The following FCAR variants were observed in gnomAD, a reference collection of about 807,000 sequenced individuals.
The protein encoded by FCAR is immunoglobulin alpha Fc receptor.
In FCAR, 21 loss-of-function variants were observed where a neutral mutation model predicts 27.1. The ratio of observed to expected loss-of-function variants is 0.77; its 90% CI spans 0.55 to 1.11. The LOEUF (loss-of-function observed/expected upper bound fraction) is 1.11, where lower values mean the gene tolerates loss of function less well. FCAR is among the 50% of genes most tolerant of loss of function. The pLI is 0.00. For missense variants in FCAR, 404 were observed against 358.4 expected, an observed-to-expected ratio of 1.13 and a Z score of -1.03; for synonymous variants, 134 against 135.8, an observed-to-expected ratio of 0.99 and a Z score of 0.09.
intron 2 of FCAR, among the ~76,000 whole-genome samples, chr19:54,881,921 AAATAAATAAATT>A (rs1203125254): frequency 0.28 from 9,813 of 35,218 alleles, 467 homozygotes; most frequent in African/African-American, 0.36. Flanking sequence ...ATAAATAAAT[AAATAAATAAATT>A]GAAGCATGAA....
chr19:54,884,043 A>C (rs2066565724), intron 2 of FCAR, among the ~76,000 whole-genome samples: 1 of 152,214 alleles, frequency 6.6e-6, no homozygotes, highest in South Asian at 2.1e-4. Context: ...TGGAAGACCC[A>C]GCAAGCCTGG....
At chr19:54,877,009 T>C (rs2066136572) in intron 2 of FCAR, among the ~76,000 whole-genome samples, 1 of 152,246 alleles carries the variant, frequency 6.6e-6, no homozygotes, top group African/African-American at 2.4e-5. Flanking sequence ...GCTAGTATTT[T>C]GTTGAGGATT....
chr19:54,876,686 A>G (rs587600727), intron 2 of FCAR, among the ~76,000 whole-genome samples: 5,157 of 152,024 alleles, frequency 0.034, 100 homozygotes, highest in Middle Eastern at 0.079. Context: ...TTGGGAAGCC[A>G]AGGCTTGTGG....
At chr19:54,883,766 A>G (rs1307380753) in intron 2 of FCAR, among the ~76,000 whole-genome samples, 1 of 152,110 alleles carries the variant, frequency 6.6e-6, no homozygotes, top group African/African-American at 2.4e-5. Context: ...CATCCTGGAT[A>G]ACATGGTGAA....
At chr19:54,886,050 C>T (rs2066703208) in intron 3 of FCAR, among the ~76,000 whole-genome samples, 1 of 152,090 alleles carries the variant, frequency 6.6e-6, no homozygotes, top group African/African-American at 2.4e-5. Context: ...AGTTCGAGAC[C>T]AGCCTGGCCA....
At chr19:54,887,423 C>T (rs2066800005) in intron 3 of FCAR, among the ~76,000 whole-genome samples, 1 of 151,936 alleles carries the variant, frequency 6.6e-6, no homozygotes, top group African/African-American at 2.4e-5. Context: ...GGATTCAAGA[C>T]CAGCCTGACC....
At chr19:54,876,252 G>T (rs1004734397) in intron 2 of FCAR, among the ~76,000 whole-genome samples, 1 of 152,136 alleles carries the variant, frequency 6.6e-6, no homozygotes, top group African/African-American at 2.4e-5. Context: ...GGTTTTCTAG[G>T]TATAGAATCA....
intron 2 of FCAR, among the ~76,000 whole-genome samples, chr19:54,876,677 T>C (rs2066107794): frequency 6.6e-6 from 1 of 152,138 alleles, no homozygotes; most frequent in Non-Finnish European, 1.5e-5. Context: ...CCCAGCACTT[T>C]GGGAAGCCAA....
chr19:54,885,331 A>G lies in FCAR; in HGVS notation c.167A>G (p.Tyr56Cys), dbSNP rs867703615. The G allele has an allele frequency of 6.2e-7, 1 of 1,613,940 alleles. No individual in the cohort carries two copies. Among genetic ancestry groups the G allele is most frequent in the Non-Finnish European group, 8.5e-7 (1 of 1,180,016 alleles). The change falls in exon 3 of 5, where the codon TAC (tyrosine) becomes TGC (cysteine). Residue 56 changes from tyrosine to cysteine, a missense_variant. Transcript: ENST00000355524. ...CAGTGCCAGGCCATTCGTGAAGCTT[A>G]CCTGACCCAGCTGATGATCATAAAA... is the stretch of plus-strand genomic sequence containing the variant. ...KIQCQAIREA[Y>C]LTQLMIIKNS...
In FCAR at chr19:54,888,004, T is replaced by C. The variant is rs376640161; in HGVS notation, c.362-3T>C. 1 of 1,608,416 alleles carries C rather than the reference T, an allele frequency of 6.2e-7. No individual in the cohort carries two copies. The highest frequency in any genetic ancestry group is 8.5e-7 in the Non-Finnish European group (1 of 1,176,158). Reference sequence around the variant, plus strand: ...TCTAATAGCTCACTCTTTTCTCTCTTAGGCTTGTATGGCAAACCCTTCCTC... The same window carrying C: ...TCTAATAGCTCACTCTTTTCTCTCTCAGGCTTGTATGGCAAACCCTTCCTC... On this transcript the variant is annotated splice_region_variant and splice_polypyrimidine_tract_variant and intron_variant, in intron 3 of 4. Coordinates refer to ENST00000355524, the MANE Select transcript of FCAR (RefSeq NM_002000.4).
intron 3 of FCAR, among the ~76,000 whole-genome samples, chr19:54,887,095 C>A (rs2066777741): frequency 6.6e-6 from 1 of 150,736 alleles, no homozygotes; most frequent in Non-Finnish European, 1.5e-5. Context: ...ATGGGCAGAT[C>A]ACTTAAGCCC....
At chr19:54,887,863 G>A in intron 3 of FCAR, 144 bp from the exon 4 acceptor site, 2 of 567,798 alleles carry the variant, frequency 3.5e-6, no homozygotes, top group Non-Finnish European at 5.8e-6. Flanking sequence ...GTTGCAGTGA[G>A]CTGAGATCAC....
At chr19:54,875,286 G>C in intron 1 of FCAR, 44 bp from the exon 2 acceptor site, 2 of 1,587,556 alleles carry the variant, frequency 1.3e-6, no homozygotes, top group Non-Finnish European at 1.7e-6. Context: ...TGTCGTAAAG[G>C]TTGGAAATGG....
chr19:54,882,964 A>C (rs745783652), intron 2 of FCAR, among the ~76,000 whole-genome samples: 3 of 152,110 alleles, frequency 2.0e-5, no homozygotes. Context: ...GTTGGCCAGC[A>C]TACAGGATCT....
intron 2 of FCAR, among the ~76,000 whole-genome samples, chr19:54,876,901 A>T (rs1393238924): frequency 6.6e-6 from 1 of 152,234 alleles, no homozygotes; most frequent in East Asian, 1.9e-4. Context: ...AGCCTGGGCA[A>T]CAGAGCGAGA....
Position 54,890,358 on chromosome 19 carries a change from C to T in FCAR, c.*495C>T, listed in dbSNP as rs10413148. ...TATGGTTTTCCATCTTATCTGTCTT[C>T]TGATTTTTTATATCCTGTTTAATTT... On this transcript the variant is annotated 3_prime_UTR_variant, in exon 5 of 5. Coordinates refer to ENST00000355524, the MANE Select transcript of FCAR (RefSeq NM_002000.4). 0.13 allele frequency: 19,443 copies of T among 152,404 alleles called. 1,443 individuals carry two copies. Among genetic ancestry groups the T allele is most frequent in the African/African-American group, 0.2 (8,313 of 41,478 alleles). The allele number at this position is 152,404 out of a possible 1,614,324, so 9.4% of individuals were successfully genotyped here.
At chr19:54,875,910 T>TCCAGCTCTCTTCCAGCTC (rs1316555346) in intron 2 of FCAR, among the ~76,000 whole-genome samples, 1 of 152,196 alleles carries the variant, frequency 6.6e-6, no homozygotes, top group Non-Finnish European at 1.5e-5. Context: ...TCCAGCTCCT[T>TCCAGCTCTCTTCCAGCTC]CTAAAGCCTG....
chr19:54,879,610 C>T (rs2066294347), intron 2 of FCAR, among the ~76,000 whole-genome samples: 1 of 151,912 alleles, frequency 6.6e-6, no homozygotes, highest in Middle Eastern at 3.5e-3. Flanking sequence ...GCTGAAAGGT[C>T]TGCTGTTAGC....
At chr19:54,882,302 T>A (rs995549981) in intron 2 of FCAR, among the ~76,000 whole-genome samples, 4 of 152,206 alleles carry the variant, frequency 2.6e-5, no homozygotes, top group Non-Finnish European at 5.9e-5. Context: ...TCTCCTCAAT[T>A]TCGAAGAGCG....
Sources: allele counts gnomAD v4.1 joint callset (sites outside exome capture counted in the v4.1 genomes callset), GRCh38; gene constraint gnomAD v4.1.1; transcripts MANE v1.5; gene names NCBI Gene and HGNC (gene_info 2026-07-23, HGNC 2026-07-21).